Variants in ATP2B2 observed in about 807,000 individuals in gnomAD.
ATP2B2 encodes the protein plasma membrane calcium-transporting ATPase 2.
Under a neutral mutation model 120.0 loss-of-function variants are expected in ATP2B2, and 15 were observed. The ratio of observed to expected loss-of-function variants is 0.12; its 90% CI spans 0.08 to 0.19. ATP2B2 has a LOEUF of 0.19. Ranked by LOEUF, ATP2B2 falls within the 10% of genes least tolerant of loss-of-function variation. The probability of loss-of-function intolerance (pLI) is 1.00; values close to 1 mark genes in which losing one functional copy is unlikely to be tolerated. For missense variants in ATP2B2, 1,045 were observed against 1,719.8 expected, an observed-to-expected ratio of 0.61 and a Z score of 6.94; for synonymous variants, 694 against 700.3, an observed-to-expected ratio of 0.99 and a Z score of 0.14.
intron 11 of ATP2B2, among the ~76,000 whole-genome samples, chr3:10,374,792 C>T (rs2061338091): frequency 6.6e-6 from 1 of 152,226 alleles, no homozygotes; most frequent in Non-Finnish European, 1.5e-5. Flanking sequence ...CCCCGGAAAA[C>T]ATTCATGACC....
At chr3:10,670,948 C>G (rs1363747179) in intron 1 of ATP2B2, among the ~76,000 whole-genome samples, 1 of 152,192 alleles carries the variant, frequency 6.6e-6, no homozygotes, top group Non-Finnish European at 1.5e-5. Flanking sequence ...CAAAGGAGAG[C>G]TGGCTTTGGT....
chr3:10,627,372 G>A (rs2069732791), intron 1 of ATP2B2, among the ~76,000 whole-genome samples: 1 of 152,218 alleles, frequency 6.6e-6, no homozygotes, highest in Non-Finnish European at 1.5e-5. Context: ...CAAGGCCTCA[G>A]TACCCTAAGG....
chr3:10,417,109 G>T (rs1013983774), intron 2 of ATP2B2, among the ~76,000 whole-genome samples: 1 of 145,632 alleles, frequency 6.9e-6, no homozygotes. Flanking sequence ...TTCCCAGAAG[G>T]TGGGTGGCCG....
At chr3:10,658,842 G>A (rs1335772525) in intron 1 of ATP2B2, among the ~76,000 whole-genome samples, 1 of 151,906 alleles carries the variant, frequency 6.6e-6, no homozygotes, top group Non-Finnish European at 1.5e-5. Context: ...GGCAGCCAGA[G>A]AGAAAGGTCG....
intron 2 of ATP2B2, among the ~76,000 whole-genome samples, chr3:10,571,935 G>A (rs950255886): frequency 6.6e-6 from 1 of 152,220 alleles, no homozygotes; most frequent in Non-Finnish European, 1.5e-5. Flanking sequence ...CTTTTGCTAA[G>A]TGACTTTGCA....
chr3:10,333,081 C>T (rs984828136), intron 22 of ATP2B2, among the ~76,000 whole-genome samples: 33 of 152,234 alleles, frequency 2.2e-4, no homozygotes, highest in Admixed American at 1.9e-3. Context: ...GCGGTGGTGC[C>T]GTGGGGAGGG....
At chr3:10,559,039 A>G (rs895512372) in intron 2 of ATP2B2, among the ~76,000 whole-genome samples, 12 of 152,220 alleles carry the variant, frequency 7.9e-5, no homozygotes, top group African/African-American at 2.9e-4. Context: ...CCAACATTTC[A>G]GAAATGCTTT....
chr3:10,495,865 C>T (rs904749375), intron 1 of ATP2B2, among the ~76,000 whole-genome samples: 1 of 152,242 alleles, frequency 6.6e-6, no homozygotes, highest in African/African-American at 2.4e-5. Flanking sequence ...TATTCATGGC[C>T]TAGCCCCCAG....
chr3:10,603,351 T>C (rs951347499), intron 2 of ATP2B2, among the ~76,000 whole-genome samples: 2 of 152,270 alleles, frequency 1.3e-5, no homozygotes, highest in Non-Finnish European at 2.9e-5. Context: ...GATCACAGCA[T>C]TGCTGTGAGT....
At chr3:10,687,870 A>G (rs1559521965) in intron 1 of ATP2B2, among the ~76,000 whole-genome samples, 1 of 152,172 alleles carries the variant, frequency 6.6e-6, no homozygotes, top group Non-Finnish European at 1.5e-5. Context: ...CAAAAAAATA[A>G]CAGTAAAAAA....
intron 1 of ATP2B2, among the ~76,000 whole-genome samples, chr3:10,688,021 C>T (rs1008032811): frequency 7.2e-5 from 11 of 152,154 alleles, no homozygotes; most frequent in African/African-American, 1.7e-4. Context: ...AAAATACACA[C>T]ATTATCTTTA....
intron 22 of ATP2B2, among the ~76,000 whole-genome samples, 153 bp downstream of exon 22, chr3:10,338,022 TG>T (rs887334077): frequency 6.6e-6 from 1 of 152,068 alleles, no homozygotes; most frequent in African/African-American, 2.4e-5. Flanking sequence ...GGAGTGGGTG[TG>T]CAAGTGGCTG....
intron 2 of ATP2B2, among the ~76,000 whole-genome samples, chr3:10,448,051 G>A (rs932465983): frequency 6.6e-5 from 10 of 152,208 alleles, no homozygotes; most frequent in African/African-American, 2.4e-4. Context: ...CATGTGACCA[G>A]TGGACTGCCA....
At chr3:10,631,498 T>A (rs1386037651) in intron 1 of ATP2B2, among the ~76,000 whole-genome samples, 1 of 152,246 alleles carries the variant, frequency 6.6e-6, no homozygotes, top group Non-Finnish European at 1.5e-5. Flanking sequence ...TTGAGCTCAT[T>A]CAGCCTGTGC....
At chr3:10,356,946 A>C (rs1474078405) in intron 14 of ATP2B2, among the ~76,000 whole-genome samples, 1 of 150,282 alleles carries the variant, frequency 6.7e-6, no homozygotes, top group African/African-American at 2.5e-5. Context: ...TGACACCCCC[A>C]AGGAGGGTGT....
intron 2 of ATP2B2, among the ~76,000 whole-genome samples, chr3:10,599,677 G>A (rs753942105): frequency 3.0e-4 from 46 of 152,002 alleles, no homozygotes; most frequent in Non-Finnish European, 5.7e-4. Flanking sequence ...TTTTTAGGTG[G>A]AGTCTTTGCC....
At chr3:10,395,684 T>TC (rs139716935) in intron 5 of ATP2B2, among the ~76,000 whole-genome samples, 54 of 152,352 alleles carry the variant, frequency 3.5e-4, no homozygotes, top group African/African-American at 1.3e-3. Context: ...GCACTCTAGG[T>TC]CCCACCCATA....
intron 22 of ATP2B2, among the ~76,000 whole-genome samples, chr3:10,332,495 C>A (rs2060008256): frequency 6.6e-6 from 1 of 152,202 alleles, no homozygotes; most frequent in African/African-American, 2.4e-5. Context: ...GTGTGGGATG[C>A]TAATCTTGTC....
At chr3:10,433,275 C>T (rs1175703741) in intron 2 of ATP2B2, among the ~76,000 whole-genome samples, 1 of 152,152 alleles carries the variant, frequency 6.6e-6, no homozygotes, top group Non-Finnish European at 1.5e-5. Context: ...TTCCCACATG[C>T]CTATTTTCTC....
Sources: gnomAD v4.1 joint callset for allele counts (sites outside exome capture counted in the v4.1 genomes callset) on GRCh38, gnomAD v4.1.1 for gene constraint, MANE v1.5 for transcripts, NCBI Gene and HGNC (gene_info 2026-07-23, HGNC 2026-07-21) for gene names.